The following GALNTL6 variants were observed in gnomAD, a reference collection of about 807,000 sequenced individuals.
The protein encoded by GALNTL6 is polypeptide N-acetylgalactosaminyltransferase-like 6.
A neutral mutation model predicts 73.7 loss-of-function variants in GALNTL6; 46 were observed. The observed-to-expected ratio is 0.62, with a 90% confidence interval of 0.49 to 0.80. GALNTL6 has a LOEUF of 0.80. Ranked by LOEUF, GALNTL6 falls within the 30% of genes least tolerant of loss-of-function variation. The probability of loss-of-function intolerance (pLI) is 0.00; values close to 1 mark genes in which losing one functional copy is unlikely to be tolerated. For synonymous variants in GALNTL6, 259 were observed against 263.7 expected, an observed-to-expected ratio of 0.98 and a Z score of 0.17; for missense variants, 604 against 755.0, an observed-to-expected ratio of 0.80 and a Z score of 2.34.
chr4:172,564,460 A>AT (rs1366994273), intron 5 of GALNTL6, among the ~76,000 whole-genome samples: 4 of 152,156 alleles, frequency 2.6e-5, no homozygotes, highest in Non-Finnish European at 4.4e-5. Context: ...TGTGCCTCCA[A>AT]TTTTTTCTGA....
At chr4:171,862,882 G>T (rs1046361126) in intron 2 of GALNTL6, among the ~76,000 whole-genome samples, 3 of 152,064 alleles carry the variant, frequency 2.0e-5, no homozygotes, top group Non-Finnish European at 4.4e-5. Context: ...TATATAATTA[G>T]ATTTTGAATT....
At chr4:172,535,527 A>G (rs747003344) in intron 5 of GALNTL6, among the ~76,000 whole-genome samples, 1 of 152,218 alleles carries the variant, frequency 6.6e-6, no homozygotes, top group African/African-American at 2.4e-5. Flanking sequence ...TCAAAAGATT[A>G]TTTTTCATCA....
intron 5 of GALNTL6, among the ~76,000 whole-genome samples, chr4:172,738,382 C>T (rs75774749): frequency 5.3e-5 from 8 of 152,134 alleles, no homozygotes; most frequent in Non-Finnish European, 8.8e-5. Flanking sequence ...AAGAACTCAG[C>T]GCTGTATATT....
intron 2 of GALNTL6, among the ~76,000 whole-genome samples, chr4:171,966,592 A>G (rs956785557): frequency 6.6e-6 from 1 of 152,130 alleles, no homozygotes; most frequent in Non-Finnish European, 1.5e-5. Context: ...GTGCTTAGGG[A>G]GGAAGGAGTT....
intron 5 of GALNTL6, among the ~76,000 whole-genome samples, chr4:172,669,614 C>T (rs992896586): frequency 1.6e-4 from 25 of 152,088 alleles, no homozygotes; most frequent in Non-Finnish European, 7.4e-5. Context: ...TGTAAGTGTT[C>T]TTTTAATAAA....
intron 12 of GALNTL6, among the ~76,000 whole-genome samples, chr4:173,022,119 G>GAAGGAAGGAAGGAAAGAAGGAAGA (rs1753034802): frequency 6.8e-6 from 1 of 147,284 alleles, no homozygotes; most frequent in African/African-American, 2.5e-5. Flanking sequence ...AAGAAGGAAG[G>GAAGGAAGGAAGGAAAGAAGGAAGA]AAGGAAGGAA....
intron 3 of GALNTL6, among the ~76,000 whole-genome samples, chr4:172,235,193 A>G (rs906529034): frequency 4.8e-4 from 73 of 151,766 alleles, no homozygotes; most frequent in African/African-American, 1.6e-3. Context: ...ATCTATTTCT[A>G]CAAAAATTTG....
Position 172,932,478 on chromosome 4 carries a change from T to A in GALNTL6, c.1149+1210T>A, listed in dbSNP as rs544072430. Among the ~76,000 whole-genome samples, 3 of 152,314 alleles carry A rather than the reference T, an allele frequency of 2.0e-5. No homozygotes were observed. The South Asian group carries it at 6.2e-4, about 32-fold the overall frequency. On this transcript the variant is annotated intron_variant, in intron 9 of 12. Transcript: ENST00000506823. The stretch of plus-strand genomic sequence containing the variant: ...AGAGTATTCATCAACTGTCCATTTC[T>A]CTTTAGCTACATCCATATTCTCTAA...
rs1731202954 is a variant in GALNTL6, at chr4:172,061,624, A to C, written c.139-168032A>C. ...GCTTGTATTATTTATTTCATTTTTT[A>C]TTATGCTAGAATTTAATTTTTCTCT... On this transcript the variant is annotated intron_variant, in intron 2 of 12. Coordinates refer to ENST00000506823, the MANE Select transcript of GALNTL6 (RefSeq NM_001034845.3). 1.3e-5 allele frequency among the ~76,000 whole-genome samples: 2 copies of C among 152,022 alleles called. 1 individual carries two copies. The highest frequency in any genetic ancestry group is 4.1e-4 in the South Asian group (2 of 4,834).
intron 5 of GALNTL6, among the ~76,000 whole-genome samples, chr4:172,807,075 T>A (rs1204894097): frequency 6.6e-6 from 1 of 152,184 alleles, no homozygotes; most frequent in Non-Finnish European, 1.5e-5. Flanking sequence ...TCTTCTTTAG[T>A]CCCCTGGCAA....
In GALNTL6 at chr4:172,747,622, A is replaced by G. The variant is rs149726074; in HGVS notation, c.554-61739A>G. Among the ~76,000 whole-genome samples, 94 of 152,214 alleles carry G rather than the reference A, an allele frequency of 6.2e-4. 1 individual carries two copies. In the East Asian group the frequency reaches 9.3e-3, roughly 15 times the overall value. ...ACATTATGGAAGTTCCTGAAAAAAA[A>G]CTAAATAAAGAATTACCATATGATC... On this transcript the variant is annotated intron_variant, in intron 5 of 12. Coordinates refer to ENST00000506823, the MANE Select transcript of GALNTL6 (RefSeq NM_001034845.3).
Position 172,284,905 on chromosome 4 carries a change from T to A in GALNTL6, c.248-26709T>A, listed in dbSNP as rs190118068. ...TGCCTCTAGCTTTGTGCTTTTGGCT[T>A]AGGATTACTTTGGTTATTTGGTCTC... On this transcript the variant is annotated intron_variant, in intron 3 of 12. Transcript: ENST00000506823. 1.6e-4 allele frequency among the ~76,000 whole-genome samples: 25 copies of A among 152,310 alleles called. No individual in the cohort carries two copies. The East Asian group carries it at 3.3e-3, about 20-fold the overall frequency.
chr4:172,628,219 C>T (rs572771877), intron 5 of GALNTL6, among the ~76,000 whole-genome samples: 2 of 152,088 alleles, frequency 1.3e-5, no homozygotes, highest in Non-Finnish European at 2.9e-5. Context: ...ATCAAATCAA[C>T]ATCAGTATTC....
At chr4:172,094,959 T>G (rs1732309305) in intron 2 of GALNTL6, among the ~76,000 whole-genome samples, 1 of 151,852 alleles carries the variant, frequency 6.6e-6, no homozygotes, top group Non-Finnish European at 1.5e-5. Flanking sequence ...TTTTTTGTTT[T>G]TTTTTCCTTG....
At chr4:172,147,668 C>T (rs1241894882) in intron 2 of GALNTL6, among the ~76,000 whole-genome samples, 1 of 152,098 alleles carries the variant, frequency 6.6e-6, no homozygotes, top group African/African-American at 2.4e-5. Flanking sequence ...AAGAAACATT[C>T]CCAGCTTGCT....
At chr4:172,575,024 G>T (rs1465101717) in intron 5 of GALNTL6, among the ~76,000 whole-genome samples, 1 of 151,868 alleles carries the variant, frequency 6.6e-6, no homozygotes, top group South Asian at 2.1e-4. Flanking sequence ...CAGGATATTT[G>T]GAAAAAGGCT....
At position 172,039,912 on chromosome 4, in the gene GALNTL6, T is replaced by C. The variant is rs540592113; in HGVS notation, c.139-189744T>C. Among the ~76,000 whole-genome samples, 418 of 152,204 alleles carry C rather than the reference T, an allele frequency of 2.7e-3. 1 individual carries two copies. The highest frequency in any genetic ancestry group is 9.7e-3 in the African/African-American group (402 of 41,540). On this transcript the variant is annotated intron_variant, in intron 2 of 12. Coordinates refer to ENST00000506823, the MANE Select transcript of GALNTL6 (RefSeq NM_001034845.3). Reference sequence around the variant, plus strand: ...AGTTAATTTATATGCTTACTTTCGCTGTGAGAAAGACAACTTCAGGGCAAA... The same window carrying C: ...AGTTAATTTATATGCTTACTTTCGCCGTGAGAAAGACAACTTCAGGGCAAA...
chr4:173,025,604 C>T (rs1423319914), intron 12 of GALNTL6, among the ~76,000 whole-genome samples: 1 of 152,174 alleles, frequency 6.6e-6, no homozygotes, highest in Non-Finnish European at 1.5e-5. Flanking sequence ...ACCCTGAAGC[C>T]AGAGGGAGAT....
chr4:172,356,687 A>G (rs1325057043), intron 5 of GALNTL6, among the ~76,000 whole-genome samples: 3 of 152,296 alleles, frequency 2.0e-5, no homozygotes, highest in Admixed American at 1.3e-4. Context: ...GAATAATAGG[A>G]TCTTTGAGAT....
Sources: allele counts gnomAD v4.1 joint callset (sites outside exome capture counted in the v4.1 genomes callset), GRCh38; gene constraint gnomAD v4.1.1; transcripts MANE v1.5; gene names NCBI Gene and HGNC (gene_info 2026-07-23, HGNC 2026-07-21).